The following ATP8B1 variants were observed in gnomAD, a reference collection of about 807,000 sequenced individuals.
The protein encoded by ATP8B1 is phospholipid-transporting ATPase IC.
In ATP8B1, 80 loss-of-function variants were observed where a neutral mutation model predicts 149.9. The observed-to-expected ratio is 0.53, with a 90% confidence interval of 0.45 to 0.64. ATP8B1 has a LOEUF of 0.64. Among genes scored for constraint, ATP8B1 ranks in the 30% least tolerant of loss-of-function variants. The probability of loss-of-function intolerance (pLI) is 0.00; values close to 1 mark genes in which losing one functional copy is unlikely to be tolerated. For synonymous variants in ATP8B1, 536 were observed against 562.8 expected (o/e 0.95, Z 0.67); for missense variants, 1,247 against 1,552.6 (o/e 0.80, Z 3.31).
At chr18:57,765,119 C>T (rs1339511674) in intron 1 of ATP8B1, among the ~76,000 whole-genome samples, 2 of 152,182 alleles carry the variant, frequency 1.3e-5, no homozygotes, top group Non-Finnish European at 2.9e-5. Context: ...AAAGGAAATC[C>T]TGGCACATGC....
chr18:57,667,549 T>C lies in ATP8B1; in HGVS notation c.2210-382A>G, dbSNP rs73439129. ...CACACTATTTTTCTATAGCAATCTG[T>C]AGGAATCACATGCAGAAGAAAAATC... On this transcript the variant is annotated intron_variant, in intron 19 of 27. Coordinates refer to ENST00000648908, the MANE Select transcript of ATP8B1 (RefSeq NM_001374385.1). 3.3e-3 allele frequency: 726 copies of C among 223,384 alleles called. 7 individuals carry two copies. The highest frequency in any genetic ancestry group is 0.016 in the African/African-American group (688 of 43,704). 13.8% of individuals were successfully genotyped at this position (223,384 alleles called of 1,614,324 possible). A position where few individuals can be genotyped will look rare whatever the true frequency, so the allele number is the denominator to read the frequency against.
intron 20 of ATP8B1, among the ~76,000 whole-genome samples, chr18:57,664,177 A>G (rs1462753600): frequency 6.6e-6 from 1 of 151,688 alleles, no homozygotes; most frequent in Non-Finnish European, 1.5e-5. Flanking sequence ...AGTCAAAGGA[A>G]GATACAGTTG....
intron 1 of ATP8B1, among the ~76,000 whole-genome samples, chr18:57,780,708 T>A (rs571500317): frequency 6.6e-6 from 1 of 152,334 alleles, no homozygotes; most frequent in South Asian, 2.1e-4. Flanking sequence ...AACCAAGAGG[T>A]TGCCTGATGG....
In ATP8B1 at chr18:57,654,088, G is replaced by A. The variant is rs775923657; in HGVS notation, c.2932-13C>T. 3 of 1,606,774 alleles carry A rather than the reference G, an allele frequency of 1.9e-6. No individual in the cohort carries two copies. The highest frequency in any genetic ancestry group is 2.7e-5 in the African/African-American group (2 of 74,724). On this transcript the variant is annotated splice_polypyrimidine_tract_variant and intron_variant, in intron 23 of 27. Coordinates refer to ENST00000648908, the MANE Select transcript of ATP8B1 (RefSeq NM_001374385.1). ...CCTCGTATGCAGTCTGTGAGGGGATGACAGAGGCTCCATGTCACCAACAAA... is the reference window on the plus strand; with the variant it reads ...CCTCGTATGCAGTCTGTGAGGGGATAACAGAGGCTCCATGTCACCAACAAA...
At chr18:57,739,771 A>G (rs1445399720) in intron 1 of ATP8B1, among the ~76,000 whole-genome samples, 1 of 152,168 alleles carries the variant, frequency 6.6e-6, no homozygotes, top group African/African-American at 2.4e-5. Context: ...TAGGAGTCTG[A>G]GTCATTTGAG....
chr18:57,753,102 C>T (rs1213363710), intron 1 of ATP8B1, among the ~76,000 whole-genome samples: 1 of 152,114 alleles, frequency 6.6e-6, no homozygotes, highest in Non-Finnish European at 1.5e-5. Context: ...GAGTAGAGTG[C>T]TTAAAAAACC....
Position 57,674,914 on chromosome 18 carries a change from C to G in ATP8B1, c.1739G>C (p.Ser580Thr). The G allele has an allele frequency of 6.2e-7, 1 of 1,614,236 alleles. No individual in the cohort carries two copies. Among genetic ancestry groups the G allele is most frequent in the Non-Finnish European group, 8.5e-7 (1 of 1,180,036 alleles). Residue 580 changes from serine (S) to threonine (T), a missense_variant, in exon 16 of 28, where the codon AGT becomes ACT. By Grantham distance (58) the Ser-to-Thr change is moderately conservative. This residue lies in a region of ATP8B1 where 853 missense variants were observed against 1,035.7 expected (regional missense o/e 0.82). Coordinates refer to ENST00000648908, the MANE Select transcript of ATP8B1 (RefSeq NM_001374385.1). ...LARTQNTITI[S>T]ELGTERTYNV... ...GTAAGTCCTTTCAGTGCCCAGTTCA[C>G]TGATGGTGATGGTGTTCTGGGTCCT...
chr18:57,662,453 T>A (rs1910522641), intron 21 of ATP8B1, 30 bp downstream of exon 21: 2 of 1,613,548 alleles, frequency 1.2e-6, no homozygotes, highest in Admixed American at 3.3e-5. Flanking sequence ...TCTTTTGAGT[T>A]AAAGGCACAG....
chr18:57,797,564 G>T (rs985767938), intron 1 of ATP8B1, among the ~76,000 whole-genome samples: 1 of 152,112 alleles, frequency 6.6e-6, no homozygotes, highest in African/African-American at 2.4e-5. Context: ...TAGATTGAAA[G>T]ACTGATAAAG....
intron 1 of ATP8B1, among the ~76,000 whole-genome samples, chr18:57,760,738 C>A (rs1448862182): frequency 6.6e-6 from 1 of 152,106 alleles, no homozygotes; most frequent in Admixed American, 6.5e-5. Flanking sequence ...CGCCCATAAT[C>A]CCAGCACCTT....
chr18:57,757,589 T>A (rs962211994), intron 1 of ATP8B1, among the ~76,000 whole-genome samples: 1 of 152,138 alleles, frequency 6.6e-6, no homozygotes, highest in African/African-American at 2.4e-5. Flanking sequence ...CAGAAATCAG[T>A]TCATACCTAT....
intron 1 of ATP8B1, among the ~76,000 whole-genome samples, chr18:57,778,228 C>T (rs1109053): frequency 0.37 from 35,596 of 96,598 alleles, 5,391 homozygotes; most frequent in Non-Finnish European, 0.39. Context: ...TTTTCTTTTT[C>T]TTTTTTTTTT....
At chr18:57,783,019 G>C (rs2080372207) in intron 1 of ATP8B1, among the ~76,000 whole-genome samples, 1 of 151,892 alleles carries the variant, frequency 6.6e-6, no homozygotes, top group African/African-American at 2.4e-5. Flanking sequence ...CACCATGTTG[G>C]TCTGGCTGGT....
intron 1 of ATP8B1, among the ~76,000 whole-genome samples, chr18:57,794,008 CAAAT>C (rs2080487348): frequency 1.3e-5 from 2 of 152,132 alleles, no homozygotes; most frequent in African/African-American, 2.4e-5. Context: ...CTGAACTAGA[CAAAT>C]AAAGTATCAG....
At chr18:57,713,208 C>CTTTCT (rs1297841938) in intron 2 of ATP8B1, among the ~76,000 whole-genome samples, 1 of 83,482 alleles carries the variant, frequency 1.2e-5, no homozygotes, top group African/African-American at 5.1e-5. Flanking sequence ...TCCTTCCTTC[C>CTTTCT]TTCCTTCCTT....
chr18:57,706,836 GCGAAGT>G (rs1233940384), intron 2 of ATP8B1, among the ~76,000 whole-genome samples: 1 of 152,180 alleles, frequency 6.6e-6, no homozygotes, highest in African/African-American at 2.4e-5. Context: ...GGAAGACGAT[GCGAAGT>G]CACAGGGAGA....
rs1297140499 is a variant in ATP8B1 at position 57,803,254 on chromosome 18, C to T, written c.-282G>A. Among the ~76,000 whole-genome samples, 2 of 152,192 alleles carry T rather than the reference C, an allele frequency of 1.3e-5. No homozygotes were observed. The highest frequency in any genetic ancestry group is 4.8e-5 in the African/African-American group (2 of 41,452). On this transcript the variant is annotated 5_prime_UTR_variant, in exon 1 of 28. Transcript: ENST00000648908. ...TCCGTGCACCCTTCCTCTGCAGCCG[C>T]CCTTTTGCCTCCGCTCCGCCGGACC... is the stretch of plus-strand genomic sequence containing the variant.
At chr18:57,775,002 A>C (rs893147879) in intron 1 of ATP8B1, among the ~76,000 whole-genome samples, 3 of 152,088 alleles carry the variant, frequency 2.0e-5, no homozygotes, top group Non-Finnish European at 4.4e-5. Context: ...GGCACAGAGG[A>C]GATGAGAAAG....
intron 2 of ATP8B1, among the ~76,000 whole-genome samples, chr18:57,707,039 G>A (rs1282753469): frequency 2.0e-5 from 3 of 152,332 alleles, no homozygotes; most frequent in Non-Finnish European, 2.9e-5. Context: ...GGGCGCGGTG[G>A]CTCACGCCTG....
Sources: gnomAD v4.1 joint callset for allele counts (sites outside exome capture counted in the v4.1 genomes callset) on GRCh38, gnomAD v4.1.1 for gene constraint, gnomAD v4.1.1 regional missense constraint, MANE v1.5 for transcripts, NCBI Gene and HGNC (gene_info 2026-07-23, HGNC 2026-07-21) for gene names.